SLC22A3: variants seen among roughly 807,000 people sequenced by gnomAD.
The protein encoded by SLC22A3 is solute carrier family 22 member 3, also known as EMT organic cation transporter 3.
Under a neutral mutation model 59.1 loss-of-function variants are expected in SLC22A3, and 51 were observed. The ratio of observed to expected loss-of-function variants is 0.86; its 90% CI spans 0.69 to 1.09. The LOEUF is 1.09. Ranked by LOEUF, SLC22A3 falls within the 50% of genes least tolerant of loss-of-function variation. The pLI is 0.00. For missense variants in SLC22A3, 711 were observed against 726.3 expected (o/e 0.98, Z 0.24); for synonymous variants, 325 against 292.0 (o/e 1.11, Z -1.15).
intron 9 of SLC22A3, among the ~76,000 whole-genome samples, chr6:160,447,349 T>C (rs1449975998): frequency 6.6e-6 from 1 of 151,904 alleles, no homozygotes; most frequent in Non-Finnish European, 1.5e-5. Flanking sequence ...GAGGGGCAGG[T>C]AAGTGAGAGT....
intron 1 of SLC22A3, among the ~76,000 whole-genome samples, chr6:160,369,762 ATTG>A (rs1212679379): frequency 2.0e-5 from 3 of 152,216 alleles, no homozygotes; most frequent in Non-Finnish European, 4.4e-5. Flanking sequence ...TCTACTTACT[ATTG>A]TTGTGCGACA....
chr6:160,431,291 C>T (rs1471487081), intron 5 of SLC22A3, among the ~76,000 whole-genome samples: 1 of 152,252 alleles, frequency 6.6e-6, no homozygotes, highest in African/African-American at 2.4e-5. Flanking sequence ...TAGTGGCGGC[C>T]GCCACGGCGC....
chr6:160,418,839 T>C (rs1787614209), intron 5 of SLC22A3, among the ~76,000 whole-genome samples: 1 of 152,226 alleles, frequency 6.6e-6, no homozygotes, highest in South Asian at 2.1e-4. Context: ...ATGCCCATAT[T>C]TGTTAGTGAT....
chr6:160,368,232 C>T (rs1473149095), intron 1 of SLC22A3, among the ~76,000 whole-genome samples: 2 of 152,152 alleles, frequency 1.3e-5, no homozygotes, highest in South Asian at 2.1e-4. Flanking sequence ...TACGCTTCTT[C>T]GATGTCCTGC....
At position 160,410,775 on chromosome 6, in the gene SLC22A3, G is replaced by A. The variant is rs371605518; in HGVS notation, c.904G>A (p.Asp302Asn). 1 of 1,613,448 alleles carries A rather than the reference G, an allele frequency of 6.2e-7. No homozygotes were observed. The highest frequency in any genetic ancestry group is 2.2e-5 in the East Asian group (1 of 44,848). The stretch of plus-strand genomic sequence containing the variant: ...TTGGCTGATTACTCGGAAGAAAGGA[G>A]ATAAAGCATTACAGATCCTGAGACG... ...PRWLITRKKG[D>N]KALQILRRIA... The change falls in exon 5 of 11, where the codon GAT (aspartate) becomes AAT (asparagine). Residue 302 changes from aspartate (D) to asparagine (N), a missense_variant. Physicochemically the swap from Asp to Asn is conservative, Grantham distance 23. Coordinates refer to ENST00000275300, the MANE Select transcript of SLC22A3 (RefSeq NM_021977.4).
At chr6:160,445,295 T>A (rs968893082) in intron 9 of SLC22A3, among the ~76,000 whole-genome samples, 7 of 152,062 alleles carry the variant, frequency 4.6e-5, no homozygotes, top group Non-Finnish European at 1.0e-4. Context: ...AGCAAGAGGA[T>A]GCCGCATCCT....
At chr6:160,425,279 A>G (rs745939791) in intron 5 of SLC22A3, among the ~76,000 whole-genome samples, 7 of 152,232 alleles carry the variant, frequency 4.6e-5, no homozygotes, top group Non-Finnish European at 8.8e-5. Flanking sequence ...TAGAAAAACT[A>G]TTTTAATGTC....
At position 160,447,705 on chromosome 6, in the gene SLC22A3, C is replaced by A. The variant is rs1480803488; in HGVS notation, c.1511-14C>A. The A allele has an allele frequency of 6.2e-7, 1 of 1,610,204 alleles. No homozygotes were observed. The highest frequency in any genetic ancestry group is 2.2e-5 in the East Asian group (1 of 44,844). ...GTCTTCCTGGAGCGGTAACACCTTT[C>A]CCCTATTCCATAGGTATCCTGGCAT... On this transcript the variant is annotated splice_polypyrimidine_tract_variant and intron_variant, in intron 9 of 10. Transcript: ENST00000275300.
intron 5 of SLC22A3, among the ~76,000 whole-genome samples, chr6:160,414,226 T>G (rs533560440): frequency 1.3e-5 from 2 of 152,342 alleles, no homozygotes; most frequent in East Asian, 3.9e-4. Context: ...TGATAATCAC[T>G]GCCTGGATTT....
At chr6:160,450,456 C>G (rs1221866455) in intron 10 of SLC22A3, among the ~76,000 whole-genome samples, 1 of 152,092 alleles carries the variant, frequency 6.6e-6, no homozygotes, top group Non-Finnish European at 1.5e-5. Context: ...TCAAGGTGCA[C>G]TGATTTCATA....
chr6:160,436,769 TTCTTATATAGA>T lies in SLC22A3; in HGVS notation c.976-8_978del. 1 of 1,587,708 alleles carries T rather than the reference TTCTTATATAGA, an allele frequency of 6.3e-7. No individual in the cohort carries two copies. ...TGTCTATTGCTACTGAAATCTGCTT[TTCTTATATAGA>T]TCACTGTTACAGATGAGGAAGTTAG... On this transcript the variant is annotated splice_acceptor_variant and splice_polypyrimidine_tract_variant and coding_sequence_variant and intron_variant, in exon 6 of 11. Transcript: ENST00000275300. LOFTEE classifies it high-confidence loss of function.
At position 160,407,041 on chromosome 6, in the gene SLC22A3, G is replaced by A; in HGVS notation, c.534G>A (p.Arg178=). The A allele has an allele frequency of 6.2e-7, 1 of 1,612,888 alleles. No individual in the cohort carries two copies. The highest frequency in any genetic ancestry group is 8.5e-7 in the Non-Finnish European group (1 of 1,179,406). ...CTCTTTTCCTGTCTTTCTCAAAAAG[G>A]TATGGCAGGATCGTCATTTACTTGC... ...GAFTLGYAAD[R]YGRIVIYLLS... is the part of the protein sequence containing the mutation. The change falls in exon 3 of 11, where the codon AGG becomes AGA. Residue 178 remains arginine (R), a splice_region_variant and synonymous_variant. Coordinates refer to ENST00000275300, the MANE Select transcript of SLC22A3 (RefSeq NM_021977.4).
intron 1 of SLC22A3, among the ~76,000 whole-genome samples, chr6:160,349,480 G>T (rs376000102): frequency 6.6e-6 from 1 of 151,388 alleles, no homozygotes; most frequent in South Asian, 2.1e-4. Context: ...ATAAATTTTA[G>T]TTTTTTTTTC....
intron 5 of SLC22A3, among the ~76,000 whole-genome samples, chr6:160,416,534 C>G (rs773140223): frequency 2.6e-5 from 4 of 152,054 alleles, no homozygotes; most frequent in Non-Finnish European, 5.9e-5. Context: ...AGCATGACAG[C>G]GTCTCACAAT....
intron 1 of SLC22A3, among the ~76,000 whole-genome samples, chr6:160,384,717 G>A (rs932563875): frequency 2.0e-5 from 3 of 152,098 alleles, no homozygotes; most frequent in East Asian, 1.9e-4. Flanking sequence ...CCTGCTGCTC[G>A]ACTCCCACCT....
intron 5 of SLC22A3, among the ~76,000 whole-genome samples, chr6:160,425,233 C>A (rs1787904818): frequency 6.6e-6 from 1 of 152,196 alleles, no homozygotes. Flanking sequence ...ACATTAAAAA[C>A]TGAATCACAG....
intron 1 of SLC22A3, among the ~76,000 whole-genome samples, chr6:160,388,134 A>T (rs1053085714): frequency 6.6e-6 from 1 of 152,188 alleles, no homozygotes; most frequent in African/African-American, 2.4e-5. Flanking sequence ...CTACAGCACC[A>T]TGTGATCATG....
chr6:160,368,586 A>G (rs530712955), intron 1 of SLC22A3, among the ~76,000 whole-genome samples: 2 of 152,176 alleles, frequency 1.3e-5, no homozygotes, highest in South Asian at 4.1e-4. Context: ...AGGCACATTC[A>G]TCATCTCTAC....
At chr6:160,383,951 A>T (rs912205422) in intron 1 of SLC22A3, among the ~76,000 whole-genome samples, 2 of 151,994 alleles carry the variant, frequency 1.3e-5, no homozygotes, top group Non-Finnish European at 2.9e-5. Flanking sequence ...GGTGGGGGGG[A>T]TGGAGTCTCA....
Sources: allele counts gnomAD v4.1 joint callset (sites outside exome capture counted in the v4.1 genomes callset), GRCh38; gene constraint gnomAD v4.1.1; transcripts MANE v1.5; gene names NCBI Gene and HGNC (gene_info 2026-07-23, HGNC 2026-07-21).